The following WNK3 variants were observed in gnomAD, a reference collection of about 807,000 sequenced individuals.
The protein encoded by WNK3 is WNK lysine deficient protein kinase 3.
In WNK3, 18 loss-of-function variants were observed where a neutral mutation model predicts 116.7. The observed-to-expected ratio is 0.15, with a 90% CI of 0.11 to 0.23. The LOEUF (loss-of-function observed/expected upper bound fraction) is 0.23, where lower values mean the gene tolerates loss of function less well. Among genes scored for constraint, WNK3 ranks in the 10% least tolerant of loss-of-function variants. WNK3 has a pLI of 1.00. For missense variants in WNK3, 993 were observed against 1,323.8 expected (o/e 0.75, Z 3.88); for synonymous variants, 404 against 469.4 (o/e 0.86, Z 1.80).
At chrX:54,224,729 T>C (rs1223202691) in intron 22 of WNK3, among the ~76,000 whole-genome samples, 13 of 109,287 alleles carry the variant, frequency 1.2e-4, no homozygotes, top group South Asian at 8.3e-4. Context: ...GCCACCACAC[T>C]GGGCTAATTT....
At chrX:54,333,022 G>C in intron 2 of WNK3, 115 bp downstream of exon 2, 1 of 528,683 alleles carries the variant, frequency 1.9e-6, no homozygotes. Flanking sequence ...TAGGATGTGG[G>C]GGACAAGCCC....
upstream of WNK3, among the ~76,000 whole-genome samples, chrX:54,358,887 G>A (rs2069638461): frequency 8.9e-6 from 1 of 112,666 alleles, no homozygotes. Context: ...ATTTTGCCGG[G>A]AACAATGGCC....
At chrX:54,240,689 C>G in intron 17 of WNK3, among the ~76,000 whole-genome samples, 1 of 111,560 alleles carries the variant, frequency 9.0e-6, no homozygotes, top group Non-Finnish European at 1.9e-5. Flanking sequence ...GTGGCTGATA[C>G]GGGCAGCAGG....
chrX:54,213,782 T>G (rs2067650620), intron 22 of WNK3, among the ~76,000 whole-genome samples: 1 of 109,260 alleles, frequency 9.2e-6, no homozygotes, highest in Non-Finnish European at 1.9e-5. Flanking sequence ...AAATTAAATA[T>G]CAGGAATGAA....
chrX:54,248,560 C>T (rs1462714548), intron 17 of WNK3, 137 bp downstream of exon 17: 16 of 523,300 alleles, frequency 3.1e-5, no homozygotes, highest in Non-Finnish European at 4.0e-5. Context: ...TAAGTCATAG[C>T]CTTCTTAAAT....
chrX:54,336,382 G>C (rs1011444549), intron 1 of WNK3, among the ~76,000 whole-genome samples: 1 of 108,085 alleles, frequency 9.3e-6, no homozygotes, highest in South Asian at 4.2e-4. Context: ...AAAATTCAGT[G>C]GGGGAAAGAA....
chrX:54,354,467 C>T (rs2069565117), intron 1 of WNK3, among the ~76,000 whole-genome samples: 1 of 110,720 alleles, frequency 9.0e-6, no homozygotes, highest in African/African-American at 3.3e-5. Context: ...ACAATTCCTT[C>T]CCCACGAAAA....
intron 12 of WNK3, 143 bp downstream of exon 12, chrX:54,255,593 TACTC>T (rs1337333347): frequency 1.6e-5 from 7 of 434,608 alleles, no homozygotes; most frequent in African/African-American, 2.5e-5. Context: ...GAACACATAA[TACTC>T]ACATTGGAAA....
At chrX:54,200,591 T>C (rs920245272) in intron 23 of WNK3, among the ~76,000 whole-genome samples, 2 of 111,571 alleles carry the variant, frequency 1.8e-5, no homozygotes, top group African/African-American at 3.3e-5. Flanking sequence ...ATCAAATGAC[T>C]TTTCTAAAGT....
intron 22 of WNK3, among the ~76,000 whole-genome samples, chrX:54,222,100 TGA>T (rs1340404095): frequency 1.1e-4 from 12 of 111,785 alleles, no homozygotes; most frequent in African/African-American, 3.9e-4. Context: ...GAGGTTGCAG[TGA>T]GCCAAGGTCG....
intron 1 of WNK3, among the ~76,000 whole-genome samples, chrX:54,336,347 C>CA (rs1359040464): frequency 9.2e-6 from 1 of 108,136 alleles, no homozygotes; most frequent in Admixed American, 1.0e-4. Context: ...CCCATCCCCC[C>CA]AAAAAAACCC....
At chrX:54,327,498 G>T (rs2069119419) in intron 2 of WNK3, among the ~76,000 whole-genome samples, 1 of 111,343 alleles carries the variant, frequency 9.0e-6, no homozygotes, top group Non-Finnish European at 1.9e-5. Flanking sequence ...AAGAGAAAAA[G>T]GTATTAAAAC....
intron 2 of WNK3, among the ~76,000 whole-genome samples, chrX:54,311,845 T>C (rs1295403064): frequency 9.0e-6 from 1 of 111,341 alleles, no homozygotes; most frequent in Non-Finnish European, 1.9e-5. Context: ...TTTTACAGAA[T>C]TCTGAGGGAG....
intron 19 of WNK3, 55 bp downstream of exon 19, chrX:54,238,287 G>A (rs1481455437): frequency 8.6e-7 from 1 of 1,156,377 alleles, no homozygotes; most frequent in Non-Finnish European, 1.2e-6. Flanking sequence ...GATCTCCACT[G>A]GCTGTTATAT....
chrX:54,240,109 A>G (rs2068006309), intron 17 of WNK3, among the ~76,000 whole-genome samples: 1 of 110,987 alleles, frequency 9.0e-6, no homozygotes, highest in Admixed American at 9.6e-5. Flanking sequence ...GTTTGAGACC[A>G]GACTGGCCAA....
intron 5 of WNK3, 150 bp from the exon 6 acceptor site, chrX:54,302,009 G>A: frequency 2.3e-6 from 1 of 443,457 alleles, no homozygotes; most frequent in Non-Finnish European, 3.8e-6. Context: ...GAGAACATAA[G>A]TTTAATAACC....
intron 2 of WNK3, among the ~76,000 whole-genome samples, chrX:54,321,093 C>T (rs782579461): frequency 2.8e-5 from 3 of 108,968 alleles, no homozygotes; most frequent in Admixed American, 1.0e-4. Flanking sequence ...GGAGGAGTTT[C>T]GCCATGTTGG....
intron 3 of WNK3, among the ~76,000 whole-genome samples, chrX:54,309,920 C>T (rs1603395508): frequency 9.0e-6 from 1 of 110,853 alleles, no homozygotes; most frequent in East Asian, 2.8e-4. Context: ...AAGTCCTTCT[C>T]TACTACCTAA....
At chrX:54,217,595 C>A (rs1056881476) in intron 22 of WNK3, among the ~76,000 whole-genome samples, 4 of 109,830 alleles carry the variant, frequency 3.6e-5, no homozygotes, top group Non-Finnish European at 7.6e-5. Context: ...GCACTCCAGT[C>A]TGGTGACAGA....
Sources: gnomAD v4.1 joint callset for allele counts (sites outside exome capture counted in the v4.1 genomes callset) on GRCh38, gnomAD v4.1.1 for gene constraint, MANE v1.5 for transcripts, NCBI Gene and HGNC (gene_info 2026-07-23, HGNC 2026-07-21) for gene names.